The following CORO1A variants were observed in gnomAD, a reference collection of about 807,000 sequenced individuals.
CORO1A encodes the protein coronin-1A.
CORO1A carries 17 observed loss-of-function variants against 44.1 expected under a neutral mutation model. The observed-to-expected ratio is 0.39, with a 90% CI of 0.26 to 0.58. The LOEUF (loss-of-function observed/expected upper bound fraction) is 0.58. Among genes scored for constraint, CORO1A ranks in the 20% least tolerant of loss-of-function variants. The probability of loss-of-function intolerance (pLI) is 0.62; values close to 1 mark genes in which losing one functional copy is unlikely to be tolerated. For synonymous variants in CORO1A, 271 were observed against 244.2 expected (o/e 1.11, Z -1.02); for missense variants, 415 against 606.5 (o/e 0.68, Z 3.32).
In CORO1A at chr16:30,188,019, G is replaced by A. The variant is rs2073363800; in HGVS notation, c.939G>A (p.Lys313=). 2 of 1,614,096 alleles carry A rather than the reference G, an allele frequency of 1.2e-6. No individual in the cohort carries two copies. Among genetic ancestry groups the A allele is most frequent in the Admixed American group, 1.7e-5 (1 of 60,020 alleles). Residue 313 remains lysine (K), a synonymous_variant, in exon 8 of 11, where the codon AAG becomes AAA. Coordinates refer to ENST00000219150, the MANE Select transcript of CORO1A (RefSeq NM_007074.4). ...FLHYLSMFSS[K]ESQRGMGYMP... ...ACTATCTCTCCATGTTCAGTTCCAA[G>A]GAGTCCCAGCGGGGCATGGGCTACA...
chr16:30,186,848 GC>G lies in CORO1A; in HGVS notation c.358del (p.Leu120CysfsTer36). On this transcript the variant is annotated frameshift_variant, in exon 4 of 11. Transcript: ENST00000219150. LOFTEE classifies it high-confidence loss of function. ...AGATCCCAGATGGGGGCCTGATGCT[GC>G]CCCTGCGGGAGCCCGTCGTCACCCT... is the stretch of plus-strand genomic sequence containing the variant. ...WEIPDGGLML[P>X]LREPVVTLEG... 1 of 1,611,598 alleles carries G rather than the reference GC, an allele frequency of 6.2e-7. No individual in the cohort carries two copies.
At chr16:30,186,494 G>C in intron 2 of CORO1A, 104 bp from the exon 3 acceptor site, 1 of 1,371,548 alleles carries the variant, frequency 7.3e-7, no homozygotes, top group Non-Finnish European at 1.0e-6. Flanking sequence ...CCAGCTCCCA[G>C]GGACACCACA....
chr16:30,188,614 GGTGGGGT>G, intron 10 of CORO1A, 38 bp downstream of exon 10: 1 of 1,227,524 alleles, frequency 8.1e-7, no homozygotes. Context: ...AAACTGGGAG[GGTGGGGT>G]GGGGCTGGTG....
At position 30,187,378 on chromosome 16, in the gene CORO1A, G is replaced by C. The variant is rs771528234; in HGVS notation, c.637-4G>C. On this transcript the variant is annotated splice_polypyrimidine_tract_variant and splice_region_variant and intron_variant, in intron 5 of 10. Coordinates refer to ENST00000219150, the MANE Select transcript of CORO1A (RefSeq NM_007074.4). ...CCTGACCTACCACCTCCCTTTCCTT[G>C]CAGGAGAAGGACCGTCCCCACGAGG... 6.2e-7 allele frequency: 1 copy of C among 1,610,342 alleles called. No individual in the cohort carries two copies.
At chr16:30,185,949 C>T (rs1465319336) in intron 2 of CORO1A, 2 of 195,250 alleles carry the variant, frequency 1.0e-5, no homozygotes, top group South Asian at 8.4e-5. Flanking sequence ...GGGGGTAAGA[C>T]AGGAAGGGGA....
In CORO1A at chr16:30,183,942, C is replaced by G. The variant is rs2073303357; in HGVS notation, c.-2+217C>G. The G allele has an allele frequency of 6.6e-6, 1 of 152,020 alleles. No homozygotes were observed. The highest frequency in any genetic ancestry group is 1.5e-5 in the Non-Finnish European group (1 of 68,020). The allele number at this position is 152,020 out of a possible 1,614,324, so 9.4% of individuals were successfully genotyped here. ...GCTCTGCGGAGGCGAGGGCTAGGGA[C>G]CACCGCGGCCAAGATGGAGGTGGGT... On this transcript the variant is annotated intron_variant, in intron 1 of 10. Transcript: ENST00000219150. The surrounding 1 kb of genome is among the most constrained non-coding windows in gnomAD (Gnocchi z 5.0).
rs1043340772 is a variant in CORO1A, at chr16:30,184,254, C to G, written c.-2+529C>G. On this transcript the variant is annotated intron_variant, in intron 1 of 10. Transcript: ENST00000219150. The surrounding 1 kb of genome is among the most constrained non-coding windows in gnomAD (Gnocchi z 4.3). The stretch of plus-strand genomic sequence containing the variant: ...CAGGCTGCTCCTCAAGACTGGGGCT[C>G]TTCACATACGCTCCTCACCGCTCTT... The G allele has an allele frequency of 2.0e-5, 3 of 151,972 alleles. No homozygotes were observed. Among genetic ancestry groups the G allele is most frequent in the African/African-American group, 7.3e-5 (3 of 41,280 alleles). The allele number at this position is 151,972 out of a possible 1,614,324, so 9.4% of individuals were successfully genotyped here.
At position 30,187,404 on chromosome 16, in the gene CORO1A, G is replaced by C. The variant is rs1483555046; in HGVS notation, c.659G>C (p.Gly220Ala). Residue 220 changes from glycine (G) to alanine (A), a missense_variant, in exon 6 of 11, where the codon GGG (glycine) becomes GCG (alanine). This residue lies in a region of CORO1A where 325 missense variants were observed against 521.7 expected (regional missense o/e 0.62). Transcript: ENST00000219150. ...CAGGAGAAGGACCGTCCCCACGAGG[G>C]GACCCGGCCCGTGCGTGCAGTGTTC... ...VVAEKDRPHE[G>A]TRPVRAVFVS... 2 of 1,611,180 alleles carry C rather than the reference G, an allele frequency of 1.2e-6. No homozygotes were observed. Among genetic ancestry groups the C allele is most frequent in the Non-Finnish European group, 1.7e-6 (2 of 1,179,994 alleles).
At chr16:30,188,135 C>T in intron 8 of CORO1A, 48 bp downstream of exon 8, 2 of 1,613,500 alleles carry the variant, frequency 1.2e-6, no homozygotes, top group Non-Finnish European at 1.7e-6. Flanking sequence ...GGGCAGTGGG[C>T]AGTCCCAAGC....
At chr16:30,185,728 G>A (rs2073325813) in intron 2 of CORO1A, 2 of 415,128 alleles carry the variant, frequency 4.8e-6, no homozygotes, top group Middle Eastern at 6.7e-4. Context: ...TTGGGATGGG[G>A]TCTGGGGGCC....
At position 30,185,273 on chromosome 16, in the gene CORO1A, G is replaced by A. The variant is rs774845309; in HGVS notation, c.64G>A (p.Asp22Asn). Residue 22 changes from aspartate to asparagine, a missense_variant, in exon 2 of 11, where the codon GAC becomes AAC. Coordinates refer to ENST00000219150, the MANE Select transcript of CORO1A (RefSeq NM_007074.4). Reference protein sequence around the residue: ...RHVFGQPAKADQCYEDVRVSQ... With the variant: ...RHVFGQPAKANQCYEDVRVSQ... ...CGTGTTTGGACAGCCGGCCAAGGCC[G>A]ACCAGTGCTATGAAGATGTGCGCGT... The A allele has an allele frequency of 6.2e-7, 1 of 1,614,192 alleles. No homozygotes were observed.
At chr16:30,187,859 A>AGGGG in intron 7 of CORO1A, 30 bp downstream of exon 7, 1 of 215,454 alleles carries the variant, frequency 4.6e-6, no homozygotes. Flanking sequence ...TGGGGGTGGG[A>AGGGG]GGTGGGCAGG....
chr16:30,187,321 C>T, intron 5 of CORO1A, 61 bp from the exon 6 acceptor site: 1 of 1,606,254 alleles, frequency 6.2e-7, no homozygotes, highest in Non-Finnish European at 8.5e-7. Flanking sequence ...TCGCCTCCAC[C>T]TGGGACTGGC....
In CORO1A at chr16:30,186,817, T is replaced by C; in HGVS notation, c.323T>C (p.Val108Ala). The C allele has an allele frequency of 6.2e-7, 1 of 1,610,432 alleles. No homozygotes were observed. The highest frequency in any genetic ancestry group is 8.5e-7 in the Non-Finnish European group (1 of 1,179,950). ...GACTCACTGGCCCCTCCTCTGCAGG[T>C]GTGGGAGATCCCAGATGGGGGCCTG... ...ASGSEDCTVMVWEIPDGGLML... is the reference protein window; with the variant it reads ...ASGSEDCTVMAWEIPDGGLML... Residue 108 changes from valine (V) to alanine (A), a missense_variant and splice_region_variant, in exon 4 of 11, where the codon GTG becomes GCG. This residue lies in a region of CORO1A where 325 missense variants were observed against 521.7 expected (regional missense o/e 0.62). Coordinates refer to ENST00000219150, the MANE Select transcript of CORO1A (RefSeq NM_007074.4).
rs148629867 is a variant in CORO1A, at chr16:30,188,016, C to T, written c.936C>T (p.Ser312=). 2.6e-5 allele frequency: 42 copies of T among 1,613,962 alleles called. No homozygotes were observed. The highest frequency in any genetic ancestry group is 3.6e-5 in the Non-Finnish European group (42 of 1,180,006). Residue 312 remains serine, a synonymous_variant, in exon 8 of 11, where the codon TCC becomes TCT. Coordinates refer to ENST00000219150, the MANE Select transcript of CORO1A (RefSeq NM_007074.4). Reference sequence around the variant, plus strand: ...TGCACTATCTCTCCATGTTCAGTTCCAAGGAGTCCCAGCGGGGCATGGGCT... The same window carrying T: ...TGCACTATCTCTCCATGTTCAGTTCTAAGGAGTCCCAGCGGGGCATGGGCT... ...PFLHYLSMFS[S]KESQRGMGYM... is the part of the protein sequence containing the mutation.
chr16:30,186,508 T>C (rs1296953598), intron 2 of CORO1A, 90 bp from the exon 3 acceptor site: 4 of 1,511,126 alleles, frequency 2.6e-6, no homozygotes, highest in Non-Finnish European at 3.7e-6. Flanking sequence ...CACCACAGCT[T>C]TCCTCTCTGG....
At chr16:30,186,243 C>T (rs1404000360) in intron 2 of CORO1A, 4 of 368,988 alleles carry the variant, frequency 1.1e-5, no homozygotes, top group Non-Finnish European at 2.1e-5. Context: ...CCCCCATACA[C>T]CTGTCCTGGC....
At position 30,185,258 on chromosome 16, in the gene CORO1A, C is replaced by T. The variant is rs1215390127; in HGVS notation, c.49C>T (p.Gln17Ter). ...CAGCAAGTTCCGCCACGTGTTTGGA[C>T]AGCCGGCCAAGGCCGACCAGTGCTA... Reference protein sequence around the residue: ...RSSKFRHVFGQPAKADQCYED... With the variant: ...RSSKFRHVFG The change falls in exon 2 of 11, where the codon CAG (glutamine) becomes TAG (stop). Residue 17 changes from glutamine to a stop codon, truncating the protein, a stop_gained. Transcript: ENST00000219150. LOFTEE classifies it high-confidence loss of function. 6.2e-7 allele frequency: 1 copy of T among 1,614,202 alleles called. No homozygotes were observed. Among genetic ancestry groups the T allele is most frequent in the Non-Finnish European group, 8.5e-7 (1 of 1,180,020 alleles).
In CORO1A at chr16:30,186,818, G is replaced by C; in HGVS notation, c.324G>C (p.Val108=). The C allele has an allele frequency of 6.2e-7, 1 of 1,610,668 alleles. No homozygotes were observed. The change falls in exon 4 of 11, where the codon GTG becomes GTC. Residue 108 remains valine (V), a splice_region_variant and synonymous_variant. Coordinates refer to ENST00000219150, the MANE Select transcript of CORO1A (RefSeq NM_007074.4). The part of the protein sequence containing the change: ...ASGSEDCTVM[V]WEIPDGGLML... ...ACTCACTGGCCCCTCCTCTGCAGGT[G>C]TGGGAGATCCCAGATGGGGGCCTGA... is the stretch of plus-strand genomic sequence containing the variant.
Sources: gnomAD v4.1 joint callset for allele counts on GRCh38, gnomAD v4.1.1 for gene constraint, gnomAD v4.1.1 regional missense constraint, Gnocchi (gnomAD v3.1) non-coding constraint, MANE v1.5 for transcripts, NCBI Gene and HGNC (gene_info 2026-07-23, HGNC 2026-07-21) for gene names.